The following CAMK1D variants were observed in gnomAD, a reference collection of about 807,000 sequenced individuals.
CAMK1D encodes the protein calcium/calmodulin-dependent protein kinase type 1D.
Under a neutral mutation model 47.7 loss-of-function variants are expected in CAMK1D, and 9 were observed. The ratio of observed to expected loss-of-function variants is 0.19; its 90% CI spans 0.11 to 0.33. The LOEUF is 0.33. Among genes scored for constraint, CAMK1D ranks in the 10% least tolerant of loss-of-function variants. The pLI is 1.00. For missense variants in CAMK1D, 291 were observed against 488.7 expected (o/e 0.60, Z 3.81); for synonymous variants, 184 against 184.9 (o/e 0.99, Z 0.04).
intron 1 of CAMK1D, among the ~76,000 whole-genome samples, chr10:12,373,627 A>G (rs969300075): frequency 7.2e-5 from 11 of 151,936 alleles, no homozygotes; most frequent in Admixed American, 2.0e-4. Context: ...GGGAGGCTCC[A>G]TCTCAAAAAA....
intron 2 of CAMK1D, among the ~76,000 whole-genome samples, chr10:12,650,260 G>A (rs532549388): frequency 2.1e-4 from 32 of 152,238 alleles, no homozygotes; most frequent in Non-Finnish European, 4.7e-4. Context: ...CACCAGCCCA[G>A]ACTGGAGCGC....
chr10:12,690,145 G>A (rs778139779), intron 3 of CAMK1D, among the ~76,000 whole-genome samples: 5 of 152,116 alleles, frequency 3.3e-5, no homozygotes, highest in African/African-American at 7.2e-5. Flanking sequence ...GCCTTGTGTT[G>A]AACGCCTGTC....
intron 1 of CAMK1D, among the ~76,000 whole-genome samples, chr10:12,491,165 G>GTT (rs1453159260): frequency 2.0e-5 from 3 of 152,018 alleles, no homozygotes; most frequent in Non-Finnish European, 4.4e-5. Context: ...GTGTGTGTGT[G>GTT]TGTGTCTGCG....
chr10:12,428,226 T>G (rs1253415073), intron 1 of CAMK1D, among the ~76,000 whole-genome samples: 1 of 152,072 alleles, frequency 6.6e-6, no homozygotes, highest in East Asian at 1.9e-4. Flanking sequence ...CCTGTGTCCA[T>G]GTGTTCTCAT....
chr10:12,616,067 C>T (rs972304711), intron 2 of CAMK1D, among the ~76,000 whole-genome samples: 3 of 147,812 alleles, frequency 2.0e-5, no homozygotes, highest in Admixed American at 6.8e-5. Flanking sequence ...TTATGATAGG[C>T]GTGTTTGTGC....
chr10:12,823,870 G>C (rs1833101723), intron 8 of CAMK1D, among the ~76,000 whole-genome samples: 1 of 151,942 alleles, frequency 6.6e-6, no homozygotes, highest in African/African-American at 2.4e-5. Flanking sequence ...GCTCACAGGT[G>C]TTGCCAAGCA....
chr10:12,773,151 T>C (rs1015998949), intron 5 of CAMK1D, among the ~76,000 whole-genome samples: 1 of 152,224 alleles, frequency 6.6e-6, no homozygotes, highest in Non-Finnish European at 1.5e-5. Context: ...GTGAGTCTCA[T>C]GAAATCTTTG....
At chr10:12,575,989 T>C (rs560665828) in intron 2 of CAMK1D, among the ~76,000 whole-genome samples, 40 of 152,320 alleles carry the variant, frequency 2.6e-4, no homozygotes, top group Non-Finnish European at 5.4e-4. Context: ...TTGTCAGTCA[T>C]GTTACAAGGA....
rs180993799 is a variant in CAMK1D, at chr10:12,816,439, A to G, written c.833+111A>G. On this transcript the variant is annotated intron_variant, in intron 8 of 10. Coordinates refer to ENST00000619168, the MANE Select transcript of CAMK1D (RefSeq NM_153498.4). ...ATGAAATCCACACAGGATTATTACA[A>G]ATTTCATCTCATTCTGGCCAGTGAC... The G allele has an allele frequency of 3.0e-4, 252 of 841,958 alleles. No individual in the cohort carries two copies. In the East Asian group the frequency reaches 5.0e-3, roughly 17 times the overall value. The allele number at this position is 841,958 out of a possible 1,614,324, so 52.2% of individuals were successfully genotyped here.
At chr10:12,806,434 C>T (rs1182576659) in intron 6 of CAMK1D, among the ~76,000 whole-genome samples, 2 of 152,220 alleles carry the variant, frequency 1.3e-5, no homozygotes, top group Admixed American at 1.3e-4. Context: ...TCCCGGGAGC[C>T]TTCCCTGATT....
At chr10:12,446,611 C>G (rs1832932270) in intron 1 of CAMK1D, among the ~76,000 whole-genome samples, 1 of 152,192 alleles carries the variant, frequency 6.6e-6, no homozygotes, top group African/African-American at 2.4e-5. Flanking sequence ...CCAGTCCCTA[C>G]TCAAGATGGA....
At chr10:12,757,194 G>A (rs977594568) in intron 3 of CAMK1D, among the ~76,000 whole-genome samples, 1 of 151,990 alleles carries the variant, frequency 6.6e-6, no homozygotes, top group Admixed American at 6.6e-5. Flanking sequence ...GCAGTGGTGC[G>A]ATCATAGCTC....
At chr10:12,507,896 C>T (rs2768446) in intron 1 of CAMK1D, among the ~76,000 whole-genome samples, 84,792 of 151,924 alleles carry the variant, frequency 0.56, 23,961 homozygotes, top group South Asian at 0.65. Context: ...TAGAATTCAC[C>T]CCCTCTTCTC....
intron 1 of CAMK1D, among the ~76,000 whole-genome samples, chr10:12,516,745 T>A (rs1008963599): frequency 4.6e-5 from 7 of 152,204 alleles, no homozygotes; most frequent in African/African-American, 1.7e-4. Flanking sequence ...AACTTATGAG[T>A]TTGAGCATCT....
intron 1 of CAMK1D, among the ~76,000 whole-genome samples, chr10:12,537,939 C>T (rs548311689): frequency 2.5e-4 from 38 of 152,230 alleles, no homozygotes; most frequent in African/African-American, 8.9e-4. Context: ...CCCAGATTAT[C>T]TTTCTATGTA....
chr10:12,521,131 T>G (rs1046002267), intron 1 of CAMK1D, among the ~76,000 whole-genome samples: 1 of 152,210 alleles, frequency 6.6e-6, no homozygotes, highest in Non-Finnish European at 1.5e-5. Context: ...ATTCCTGTTC[T>G]TATCCTTATA....
chr10:12,365,549 C>T (rs1327549673), intron 1 of CAMK1D, among the ~76,000 whole-genome samples: 1 of 152,116 alleles, frequency 6.6e-6, no homozygotes, highest in Non-Finnish European at 1.5e-5. Flanking sequence ...CGCCATTCTC[C>T]TGCCTCAGCC....
chr10:12,480,887 G>A (rs919116098), intron 1 of CAMK1D, among the ~76,000 whole-genome samples: 3 of 152,186 alleles, frequency 2.0e-5, no homozygotes, highest in Admixed American at 2.0e-4. Flanking sequence ...TTGTAACAGT[G>A]AGAAAAAATA....
intron 2 of CAMK1D, among the ~76,000 whole-genome samples, chr10:12,613,097 G>A (rs1203190519): frequency 6.6e-6 from 1 of 152,144 alleles, no homozygotes; most frequent in Non-Finnish European, 1.5e-5. Flanking sequence ...ACAGTTGAGG[G>A]CTAATTAACT....
Sources: gnomAD v4.1 joint callset for allele counts (sites outside exome capture counted in the v4.1 genomes callset) on GRCh38, gnomAD v4.1.1 for gene constraint, MANE v1.5 for transcripts, NCBI Gene and HGNC (gene_info 2026-07-23, HGNC 2026-07-21) for gene names.